The following RGS12 variants were observed in gnomAD, a reference collection of about 807,000 sequenced individuals.
RGS12 encodes regulator of G protein signaling 12.
RGS12 carries 66 observed loss-of-function variants against 120.1 expected under a neutral mutation model. That is an observed-to-expected ratio of 0.55 (90% CI 0.45 to 0.67). The LOEUF (loss-of-function observed/expected upper bound fraction) is 0.67, where lower values mean the gene tolerates loss of function less well. Among genes scored for constraint, RGS12 ranks in the 30% least tolerant of loss-of-function variants. The probability of loss-of-function intolerance (pLI) is 0.00; values close to 1 mark genes in which losing one functional copy is unlikely to be tolerated. For missense variants in RGS12, 1,859 were observed against 1,957.7 expected (o/e 0.95, Z 0.95); for synonymous variants, 827 against 804.7 (o/e 1.03, Z -0.47).
intron 2 of RGS12, among the ~76,000 whole-genome samples, 172 bp downstream of exon 2, chr4:3,318,223 T>C (rs1055490215): frequency 6.6e-6 from 1 of 152,010 alleles, no homozygotes; most frequent in Non-Finnish European, 1.5e-5. Flanking sequence ...GGACTGTGTC[T>C]TGCTGGGACC....
chr4:3,392,257 C>G (rs1245817450), intron 4 of RGS12, among the ~76,000 whole-genome samples: 1 of 152,174 alleles, frequency 6.6e-6, no homozygotes, highest in Admixed American at 6.5e-5. Flanking sequence ...GGGCATACCA[C>G]CTAACAGAAA....
rs1347436493 is a variant in RGS12, at chr4:3,416,104, A to G, written c.2410A>G (p.Lys804Glu). ...VLRAPHPDMF[K>E]EQQLQIFNLM... is the part of the protein sequence containing the mutation. ...CCGCGCACCTCACCCAGACATGTTCAAGGAGCAGCAGCTGCAGGTAACCGC... is the reference window on the plus strand; with the variant it reads ...CCGCGCACCTCACCCAGACATGTTCGAGGAGCAGCAGCTGCAGGTAACCGC... Residue 804 changes from lysine to glutamate, a missense_variant, in exon 7 of 18, where the codon AAG becomes GAG. Transcript: ENST00000336727. The G allele has an allele frequency of 3.1e-6, 5 of 1,614,076 alleles. No individual in the cohort carries two copies. The highest frequency in any genetic ancestry group is 1.1e-5 in the South Asian group (1 of 91,066).
intron 1 of RGS12, among the ~76,000 whole-genome samples, chr4:3,299,576 C>T (rs1380331761): frequency 1.3e-5 from 2 of 152,144 alleles, no homozygotes; most frequent in Admixed American, 6.6e-5. Context: ...ACGGACAGAG[C>T]TGCCGGCACT....
chr4:3,391,325 T>C (rs1054196927), intron 4 of RGS12, among the ~76,000 whole-genome samples: 3 of 152,274 alleles, frequency 2.0e-5, no homozygotes, highest in African/African-American at 7.2e-5. Context: ...TACTTGTTTC[T>C]TTCCAATTCT....
chr4:3,420,734 C>T lies in RGS12; in HGVS notation c.2838+16C>T, dbSNP rs1031708221. ...CCTGGACCTGGTGAGTCACTGTCTC[C>T]CCTCGTCCCACAGGCCTCAGGGGTG... On this transcript the variant is annotated intron_variant, in intron 10 of 17. Transcript: ENST00000336727. The T allele has an allele frequency of 6.8e-6, 11 of 1,607,844 alleles. No homozygotes were observed. The highest frequency in any genetic ancestry group is 7.6e-6 in the Non-Finnish European group (9 of 1,177,830).
intron 2 of RGS12, 129 bp downstream of exon 2, chr4:3,318,180 C>T: frequency 1.2e-6 from 1 of 803,662 alleles, no homozygotes; most frequent in Non-Finnish European, 2.0e-6. Flanking sequence ...CCTCTGTGGC[C>T]ATCACAGGGT....
At chr4:3,417,171 G>A in intron 8 of RGS12, 79 bp downstream of exon 8, 2 of 1,445,858 alleles carry the variant, frequency 1.4e-6, no homozygotes, top group South Asian at 2.8e-5. Flanking sequence ...GGAGTGAAAA[G>A]AGGCCCTGTC....
intron 2 of RGS12, among the ~76,000 whole-genome samples, chr4:3,320,829 G>A (rs1003278222): frequency 2.6e-5 from 4 of 152,280 alleles, no homozygotes; most frequent in African/African-American, 7.2e-5. Flanking sequence ...GCAGAGTTTC[G>A]AAGGTGGCCG....
rs555755349 is a variant in RGS12, at chr4:3,405,896, T to C, written c.2021-8176T>C. Among the ~76,000 whole-genome samples, 6 of 148,204 alleles carry C rather than the reference T, an allele frequency of 4.0e-5. No individual in the cohort carries two copies. The South Asian group carries it at 1.3e-3, about 32-fold the overall frequency. ...TTATAATTTTTCTGCAAGTTTGAAA[T>C]TATTTCAAAAGAAAAAGTTGCCCCC... is the stretch of plus-strand genomic sequence containing the variant. On this transcript the variant is annotated intron_variant, in intron 4 of 17. Transcript: ENST00000336727.
Position 3,370,102 on chromosome 4 carries a change from AC to A in RGS12, c.1999-16311del. 2.9e-6 allele frequency: 4 copies of A among 1,374,450 alleles called. No individual in the cohort carries two copies. In the South Asian group the frequency reaches 8.4e-5, roughly 29 times the overall value. The allele number at this position is 1,374,450 out of a possible 1,614,324, so 85.1% of individuals were successfully genotyped here. A position where few individuals can be genotyped will look rare whatever the true frequency, so the allele number is the denominator to read the frequency against. Reference sequence around the variant, plus strand: ...TGAGACAATTGAGATAGAGTCTGAAACCCTGGCAAGCCACAGCTTCCTGCAG... The same window carrying A: ...TGAGACAATTGAGATAGAGTCTGAAACCTGGCAAGCCACAGCTTCCTGCAG... On this transcript the variant is annotated intron_variant, in intron 3 of 17. Coordinates refer to ENST00000336727, the MANE Select transcript of RGS12 (RefSeq NM_001394154.1).
At chr4:3,393,676 G>A (rs949489560) in intron 4 of RGS12, among the ~76,000 whole-genome samples, 3 of 152,092 alleles carry the variant, frequency 2.0e-5, no homozygotes, top group Non-Finnish European at 4.4e-5. Flanking sequence ...GTCTTTTCCC[G>A]CAGGTTCTGA....
In RGS12 at chr4:3,430,630, A is replaced by C; in HGVS notation, c.3789A>C (p.Pro1263=). 1 of 1,606,592 alleles carries C rather than the reference A, an allele frequency of 6.2e-7. No homozygotes were observed. The highest frequency in any genetic ancestry group is 1.1e-5 in the South Asian group (1 of 90,566). ...SASQPGEQWE[P]VQESSDSPST... ...CCCAGCCTGGCGAGCAGTGGGAGCCAGTCCAGGAGAGCAGCGACAGCCCGT... is the reference window on the plus strand; with the variant it reads ...CCCAGCCTGGCGAGCAGTGGGAGCCCGTCCAGGAGAGCAGCGACAGCCCGT... Residue 1263 remains proline (P), a synonymous_variant, in exon 17 of 18, where the codon CCA becomes CCC. Transcript: ENST00000336727.
In RGS12 at chr4:3,372,302, G is replaced by C. The variant is rs929116367; in HGVS notation, c.1999-14114G>C. Reference sequence around the variant, plus strand: ...AGCCCAGCTTGAGCCTCCCTGGCAGGCAGCGGCCGTTCAGCCAGCCTGTGG... The same window carrying C: ...AGCCCAGCTTGAGCCTCCCTGGCAGCCAGCGGCCGTTCAGCCAGCCTGTGG... On this transcript the variant is annotated intron_variant, in intron 3 of 17. Transcript: ENST00000336727. This position sits in a 1 kb window ranked among gnomAD's most constrained non-coding sequence, Gnocchi z 4.3. Among the ~76,000 whole-genome samples the C allele has an allele frequency of 9.2e-5, 14 of 152,142 alleles. No individual in the cohort carries two copies. The highest frequency in any genetic ancestry group is 3.4e-4 in the African/African-American group (14 of 41,430).
intron 4 of RGS12, among the ~76,000 whole-genome samples, chr4:3,391,079 A>G (rs1719443725): frequency 6.6e-6 from 1 of 152,274 alleles, no homozygotes; most frequent in Non-Finnish European, 1.5e-5. Context: ...GCAGAAACAG[A>G]ATGTTAATTT....
chr4:3,406,689 C>A (rs1388052631), intron 4 of RGS12, among the ~76,000 whole-genome samples: 1 of 152,208 alleles, frequency 6.6e-6, no homozygotes, highest in Non-Finnish European at 1.5e-5. Flanking sequence ...GCGGATGTTT[C>A]CTAACCCTTG....
At chr4:3,382,699 T>G (rs988416340) in intron 3 of RGS12, among the ~76,000 whole-genome samples, 3 of 151,964 alleles carry the variant, frequency 2.0e-5, no homozygotes, top group Admixed American at 6.5e-5. Flanking sequence ...GTGGTCAGTG[T>G]AATTGTTTTC....
At chr4:3,353,874 A>G (rs1301276326) in intron 3 of RGS12, among the ~76,000 whole-genome samples, 3 of 152,060 alleles carry the variant, frequency 2.0e-5, no homozygotes, top group African/African-American at 7.2e-5. Flanking sequence ...TTCATACCCT[A>G]AGTTCAACAA....
rs774960472 is a variant in RGS12 at position 3,317,498 on chromosome 4, T to G, written c.1328T>G (p.Leu443Arg). The G allele has an allele frequency of 1.2e-6, 2 of 1,613,238 alleles. No individual in the cohort carries two copies. The highest frequency in any genetic ancestry group is 2.7e-5 in the African/African-American group (2 of 74,904). The change falls in exon 2 of 18, where the codon CTG becomes CGG. Residue 443 changes from leucine to arginine, a missense_variant. By Grantham distance (102) the Leu-to-Arg change is moderately radical. Coordinates refer to ENST00000336727, the MANE Select transcript of RGS12 (RefSeq NM_001394154.1). ...AGCAACCGGGTCCTTGTGGTGGACCTGGGTGGGAGCTCGAGCAGACACGGC... is the reference window on the plus strand; with the variant it reads ...AGCAACCGGGTCCTTGTGGTGGACCGGGGTGGGAGCTCGAGCAGACACGGC... Reference protein sequence around the residue: ...EKSNRVLVVDLGGSSSRHGPG... With the variant: ...EKSNRVLVVDRGGSSSRHGPG...
intron 1 of RGS12, among the ~76,000 whole-genome samples, chr4:3,308,216 C>T (rs545914554): frequency 1.7e-4 from 26 of 152,334 alleles, no homozygotes; most frequent in Middle Eastern, 3.4e-3. Flanking sequence ...CCTGCAGCAC[C>T]CCAATTTTTG....
Sources: allele counts gnomAD v4.1 joint callset (sites outside exome capture counted in the v4.1 genomes callset), GRCh38; gene constraint gnomAD v4.1.1; non-coding constraint Gnocchi (gnomAD v3.1); transcripts MANE v1.5; gene names NCBI Gene and HGNC (gene_info 2026-07-23, HGNC 2026-07-21).